Variants in PACRG observed in about 807,000 individuals in gnomAD.
The protein encoded by PACRG is parkin coregulated.
In PACRG, 29 loss-of-function variants were observed where a neutral mutation model predicts 29.7. The ratio of observed to expected loss-of-function variants is 0.98; its 90% CI spans 0.73 to 1.33. The LOEUF (loss-of-function observed/expected upper bound fraction) is 1.33. PACRG is among the 40% of genes most tolerant of loss of function. The probability of loss-of-function intolerance (pLI) is 0.00; values close to 1 mark genes in which losing one functional copy is unlikely to be tolerated. For synonymous variants in PACRG, 116 were observed against 118.7 expected, an observed-to-expected ratio of 0.98 and a Z score of 0.15; for missense variants, 279 against 316.2, an observed-to-expected ratio of 0.88 and a Z score of 0.89.
intron 4 of PACRG, among the ~76,000 whole-genome samples, chr6:163,225,999 C>A (rs1012375196): frequency 6.6e-6 from 1 of 152,100 alleles, no homozygotes; most frequent in Non-Finnish European, 1.5e-5. Context: ...GGCAACACAG[C>A]AAGACCCTGT....
intron 4 of PACRG, among the ~76,000 whole-genome samples, chr6:163,152,536 A>ATAGG (rs1778139713): frequency 6.6e-6 from 1 of 152,250 alleles, no homozygotes; most frequent in Non-Finnish European, 1.5e-5. Context: ...TTCATGGAAC[A>ATAGG]AAGCCTAGAA....
At chr6:162,763,474 A>G (rs1782540188) in intron 1 of PACRG, among the ~76,000 whole-genome samples, 1 of 152,254 alleles carries the variant, frequency 6.6e-6, no homozygotes, top group Non-Finnish European at 1.5e-5. Context: ...AAAGTGCTTA[A>G]GAATTATGAA....
At chr6:163,167,205 C>T (rs1455013418) in intron 4 of PACRG, among the ~76,000 whole-genome samples, 1 of 152,150 alleles carries the variant, frequency 6.6e-6, no homozygotes, top group African/African-American at 2.4e-5. Context: ...CAGAAGAAAC[C>T]TTAAGCTTAT....
In PACRG at chr6:162,787,604, A is replaced by C. The variant is rs909383153; in HGVS notation, c.157-26543A>C. ...TGTGTATATATATATATATATATATATATATATATATATATATGGTTGTCC... is the reference window on the plus strand; with the variant it reads ...TGTGTATATATATATATATATATATCTATATATATATATATATGGTTGTCC... On this transcript the variant is annotated intron_variant, in intron 1 of 4. Coordinates refer to ENST00000366888, the MANE Select transcript of PACRG (RefSeq NM_001080379.2). 1.9e-3 allele frequency among the ~76,000 whole-genome samples: 268 copies of C among 139,310 alleles called. 11 individuals are homozygous for C. Among genetic ancestry groups the C allele is most frequent in the African/African-American group, 6.6e-3 (251 of 38,148 alleles). The allele number at this position is 139,310 out of a possible 152,430, so 91.4% of individuals were successfully genotyped here.
chr6:163,207,534 G>A (rs762030245), intron 4 of PACRG, among the ~76,000 whole-genome samples: 1 of 152,144 alleles, frequency 6.6e-6, no homozygotes, highest in Non-Finnish European at 1.5e-5. Flanking sequence ...CGGTTTAGAT[G>A]TGAGAATAGC....
At chr6:163,198,657 GCAT>G (rs1444632873) in intron 4 of PACRG, among the ~76,000 whole-genome samples, 1 of 152,162 alleles carries the variant, frequency 6.6e-6, no homozygotes, top group Non-Finnish European at 1.5e-5. Context: ...TGAGGTCCCA[GCAT>G]CTGCCCCGGT....
In PACRG at chr6:162,777,645, T is replaced by A. The variant is rs938983432; in HGVS notation, c.157-36502T>A. Among the ~76,000 whole-genome samples, 19 of 152,318 alleles carry A rather than the reference T, an allele frequency of 1.2e-4. No individual in the cohort carries two copies. The highest frequency in any genetic ancestry group is 4.3e-4 in the African/African-American group (18 of 41,580). ...ACTCCTTTGAGTTTTGGGATTTTTT[T>A]AATTTGGTGCCTGTGATTTCATAAG... On this transcript the variant is annotated intron_variant, in intron 1 of 4. Transcript: ENST00000366888. The surrounding 1 kb of genome is among the most constrained non-coding windows in gnomAD (Gnocchi z 4.0).
At chr6:163,087,753 G>T (rs996224671) in intron 3 of PACRG, among the ~76,000 whole-genome samples, 4 of 151,332 alleles carry the variant, frequency 2.6e-5, no homozygotes, top group African/African-American at 7.3e-5. Flanking sequence ...ACTGACACTG[G>T]AGGAGAGGAG....
At chr6:162,728,482 C>A in intron 1 of PACRG, 91 bp downstream of exon 1, 1 of 1,483,654 alleles carries the variant, frequency 6.7e-7, no homozygotes, top group Non-Finnish European at 9.1e-7. Context: ...GGACTCTGAG[C>A]CATGTCCTGG....
At chr6:162,979,887 A>T (rs1169185890) in intron 2 of PACRG, among the ~76,000 whole-genome samples, 1 of 152,134 alleles carries the variant, frequency 6.6e-6, no homozygotes, top group Non-Finnish European at 1.5e-5. Flanking sequence ...ATTCACAGGT[A>T]TTAAAAATTC....
At chr6:163,180,739 A>G (rs912779856) in intron 4 of PACRG, among the ~76,000 whole-genome samples, 4 of 152,192 alleles carry the variant, frequency 2.6e-5, no homozygotes, top group African/African-American at 7.2e-5. Context: ...TTCTTCAAAC[A>G]TGTAGAGGCC....
chr6:163,254,585 C>G (rs942640533), intron 4 of PACRG, among the ~76,000 whole-genome samples: 1 of 152,174 alleles, frequency 6.6e-6, no homozygotes, highest in African/African-American at 2.4e-5. Flanking sequence ...GTTTGCTCTC[C>G]CCTTTAAGGT....
At chr6:162,846,634 C>T (rs967675680) in intron 2 of PACRG, among the ~76,000 whole-genome samples, 1 of 152,166 alleles carries the variant, frequency 6.6e-6, no homozygotes, top group Non-Finnish European at 1.5e-5. Flanking sequence ...TTAGATCACC[C>T]GTGCCACCCT....
At chr6:162,887,929 A>G (rs1794469652) in intron 2 of PACRG, among the ~76,000 whole-genome samples, 2 of 152,156 alleles carry the variant, frequency 1.3e-5, no homozygotes, top group Admixed American at 6.5e-5. Flanking sequence ...TAATTTATAA[A>G]CAATGAACAT....
chr6:163,293,846 A>G (rs936200579), intron 4 of PACRG, among the ~76,000 whole-genome samples: 1 of 152,178 alleles, frequency 6.6e-6, no homozygotes, highest in African/African-American at 2.4e-5. Flanking sequence ...TGTTTTTCTC[A>G]TCATAAATAT....
chr6:162,873,858 G>T (rs1385655726), intron 2 of PACRG, among the ~76,000 whole-genome samples: 3 of 152,038 alleles, frequency 2.0e-5, no homozygotes, highest in African/African-American at 7.2e-5. Flanking sequence ...GTACATTTTT[G>T]CCTACCATTC....
At chr6:162,956,452 T>C (rs907534122) in intron 2 of PACRG, among the ~76,000 whole-genome samples, 4 of 152,198 alleles carry the variant, frequency 2.6e-5, no homozygotes, top group African/African-American at 9.7e-5. Context: ...TGTTATGTTA[T>C]TTGTTTCCCA....
At chr6:163,109,415 G>A (rs1009240511) in intron 4 of PACRG, among the ~76,000 whole-genome samples, 4 of 152,138 alleles carry the variant, frequency 2.6e-5, no homozygotes, top group African/African-American at 9.7e-5. Context: ...AATTACATCT[G>A]TTGTCTCATC....
chr6:162,932,558 G>T (rs1584789503), intron 2 of PACRG, among the ~76,000 whole-genome samples: 1 of 151,946 alleles, frequency 6.6e-6, no homozygotes, highest in East Asian at 1.9e-4. Flanking sequence ...CTTCAATTTT[G>T]TTACTTACTA....
Sources: gnomAD v4.1 joint callset for allele counts (sites outside exome capture counted in the v4.1 genomes callset) on GRCh38, gnomAD v4.1.1 for gene constraint, Gnocchi (gnomAD v3.1) non-coding constraint, MANE v1.5 for transcripts, NCBI Gene and HGNC (gene_info 2026-07-23, HGNC 2026-07-21) for gene names.